The following SHISA9 variants were observed in gnomAD, a reference collection of about 807,000 sequenced individuals.
SHISA9 encodes protein shisa-9.
Under a neutral mutation model 38.0 loss-of-function variants are expected in SHISA9, and 13 were observed. The observed-to-expected ratio is 0.34, with a 90% CI of 0.22 to 0.54. The LOEUF is 0.54. SHISA9 is among the 20% of genes least tolerant of loss of function. The pLI, the probability that SHISA9 is intolerant of heterozygous loss-of-function variation, is 0.91. For missense variants in SHISA9, 538 were observed against 575.8 expected (o/e 0.93, Z 0.67); for synonymous variants, 275 against 242.0 (o/e 1.14, Z -1.27).
chr16:13,012,822 G>T lies in SHISA9; in HGVS notation c.691+96007G>T, dbSNP rs565222808. 9.2e-5 allele frequency among the ~76,000 whole-genome samples: 14 copies of T among 152,252 alleles called. No homozygotes were observed. In the South Asian group the frequency reaches 2.7e-3, roughly 29 times the overall value. ...CCTCCTCCCTGGTCTTGTAGTGCTG[G>T]GTCCTGTGTCTCCAACAGTCAGCCA... On this transcript the variant is annotated intron_variant, in intron 2 of 4. Transcript: ENST00000558583.
At chr16:13,164,023 T>C (rs1368295742) in intron 2 of SHISA9, among the ~76,000 whole-genome samples, 1 of 152,106 alleles carries the variant, frequency 6.6e-6, no homozygotes, top group Non-Finnish European at 1.5e-5. Flanking sequence ...ATGTTGAATA[T>C]AAATGGCAAA....
At chr16:13,479,477 C>T in the SHISA9 span, among the ~76,000 whole-genome samples, 2 of 152,162 alleles carry the variant, frequency 1.3e-5, no homozygotes, top group African/African-American at 4.8e-5. Flanking sequence ...AATAAACTGA[C>T]TCTAGGAGAT....
downstream of SHISA9, among the ~76,000 whole-genome samples, chr16:13,243,894 T>C (rs2051453571): frequency 6.8e-6 from 1 of 147,692 alleles, no homozygotes; most frequent in South Asian, 2.3e-4. Context: ...TGCCTCAGCC[T>C]CCCTAGTAGC....
chr16:13,271,323 T>A, the SHISA9 span, among the ~76,000 whole-genome samples: 5 of 152,094 alleles, frequency 3.3e-5, no homozygotes, highest in Non-Finnish European at 7.4e-5. Context: ...TGGAAACAAA[T>A]AAGTGTCCTG....
the SHISA9 span, among the ~76,000 whole-genome samples, chr16:13,369,800 G>A: frequency 1.3e-5 from 2 of 152,146 alleles, no homozygotes; most frequent in African/African-American, 4.8e-5. Flanking sequence ...TGAGCTCACA[G>A]GGGCTAGCCG....
At chr16:12,971,285 C>G (rs2141811226) in intron 2 of SHISA9, among the ~76,000 whole-genome samples, 1 of 152,318 alleles carries the variant, frequency 6.6e-6, no homozygotes, top group Non-Finnish European at 1.5e-5. Flanking sequence ...TTTCCTAGGG[C>G]TGTCTAGTAA....
intron 2 of SHISA9, among the ~76,000 whole-genome samples, chr16:13,131,863 T>C (rs2050309233): frequency 6.6e-6 from 1 of 152,200 alleles, no homozygotes; most frequent in Non-Finnish European, 1.5e-5. Flanking sequence ...GTTCTTTCCA[T>C]GATACCATCC....
At chr16:13,232,165 C>T (rs977991191) in intron 4 of SHISA9, among the ~76,000 whole-genome samples, 2 of 152,206 alleles carry the variant, frequency 1.3e-5, no homozygotes, top group Non-Finnish European at 2.9e-5. Context: ...ATGTGTGACA[C>T]TGTGAGATCC....
intron 2 of SHISA9, among the ~76,000 whole-genome samples, chr16:12,926,426 A>G (rs1041972690): frequency 4.6e-5 from 7 of 152,142 alleles, no homozygotes; most frequent in African/African-American, 1.4e-4. Context: ...CCTATAATTA[A>G]TATTTCTATT....
intron 2 of SHISA9, among the ~76,000 whole-genome samples, chr16:13,019,750 T>C (rs1008136592): frequency 4.0e-5 from 6 of 150,548 alleles, no homozygotes; most frequent in Non-Finnish European, 7.4e-5. Context: ...TTCTTCCTTC[T>C]TTTCTTTTCT....
At chr16:13,491,778 C>T in the SHISA9 span, among the ~76,000 whole-genome samples, 1 of 142,828 alleles carries the variant, frequency 7.0e-6, no homozygotes, top group Non-Finnish European at 1.5e-5. Flanking sequence ...GCATGAGCCA[C>T]TGCACCTGGC....
At chr16:13,296,891 C>CAAAAAA in the SHISA9 span, among the ~76,000 whole-genome samples, 119 of 26,626 alleles carry the variant, frequency 4.5e-3, 1 homozygote, top group South Asian at 6.6e-3. Context: ...AACTCCATCT[C>CAAAAAA]AAAAAAAAAA....
At chr16:13,174,896 C>G (rs1377436090) in intron 2 of SHISA9, among the ~76,000 whole-genome samples, 1 of 152,140 alleles carries the variant, frequency 6.6e-6, no homozygotes, top group African/African-American at 2.4e-5. Flanking sequence ...ATTCCAGGTA[C>G]TTCCTGAGCT....
the SHISA9 span, among the ~76,000 whole-genome samples, chr16:13,268,566 T>C: frequency 6.6e-6 from 1 of 152,112 alleles, no homozygotes; most frequent in Non-Finnish European, 1.5e-5. Flanking sequence ...TGTACAAGAC[T>C]TAGCAGCACA....
At chr16:12,916,261 T>C (rs962912692) in intron 1 of SHISA9, among the ~76,000 whole-genome samples, 1 of 152,194 alleles carries the variant, frequency 6.6e-6, no homozygotes, top group Admixed American at 6.5e-5. Flanking sequence ...GTAATGCGAT[T>C]AGCGTGGTGC....
chr16:13,351,773 A>G, the SHISA9 span, among the ~76,000 whole-genome samples: 12 of 152,230 alleles, frequency 7.9e-5, no homozygotes, highest in Non-Finnish European at 1.2e-4. Flanking sequence ...TCAGGTTTAT[A>G]TTTTGAATAA....
the SHISA9 span, among the ~76,000 whole-genome samples, chr16:13,278,421 T>C: frequency 5.3e-5 from 8 of 151,932 alleles, no homozygotes; most frequent in Non-Finnish European, 1.0e-4. Flanking sequence ...TAGGGTGACG[T>C]TGGCTTCATC....
intron 2 of SHISA9, among the ~76,000 whole-genome samples, chr16:13,100,394 G>T (rs2073866947): frequency 6.6e-6 from 1 of 152,164 alleles, no homozygotes; most frequent in South Asian, 2.1e-4. Flanking sequence ...GTGAATGAGT[G>T]AATCCCAGAT....
the SHISA9 span, among the ~76,000 whole-genome samples, chr16:13,498,651 G>T: frequency 3.9e-5 from 6 of 152,090 alleles, no homozygotes; most frequent in Admixed American, 1.3e-4. Flanking sequence ...CAACTACTTG[G>T]GAGGCTGAGG....
Sources: gnomAD v4.1 joint callset for allele counts (sites outside exome capture counted in the v4.1 genomes callset) on GRCh38, gnomAD v4.1.1 for gene constraint, MANE v1.5 for transcripts, NCBI Gene and HGNC (gene_info 2026-07-23, HGNC 2026-07-21) for gene names.